Variants in CCNF observed in about 807,000 individuals in gnomAD.
The protein encoded by CCNF is cyclin-F.
Under a neutral mutation model 85.4 loss-of-function variants are expected in CCNF, and 30 were observed. That is an observed-to-expected ratio of 0.35 (90% CI 0.26 to 0.48). The LOEUF (loss-of-function observed/expected upper bound fraction) is 0.48. Among genes scored for constraint, CCNF ranks in the 20% least tolerant of loss-of-function variants. The probability of loss-of-function intolerance (pLI) is 0.99; values close to 1 mark genes in which losing one functional copy is unlikely to be tolerated. For synonymous variants in CCNF, 439 were observed against 425.1 expected, an observed-to-expected ratio of 1.03 and a Z score of -0.40; for missense variants, 919 against 1,010.4, an observed-to-expected ratio of 0.91 and a Z score of 1.23.
At chr16:2,447,708 G>A (rs904838450) in intron 10 of CCNF, among the ~76,000 whole-genome samples, 5 of 151,894 alleles carry the variant, frequency 3.3e-5, no homozygotes, top group East Asian at 1.9e-4. Context: ...CTGAGATAGC[G>A]CCACTGCACT....
chr16:2,431,048 TTA>T, intron 1 of CCNF, 80 bp from the exon 2 acceptor site: 1 of 1,405,524 alleles, frequency 7.1e-7, no homozygotes, highest in South Asian at 1.2e-5. Flanking sequence ...GATGTAACTT[TTA>T]TCCTTTTTTT....
At chr16:2,449,248 C>T (rs377617038) in intron 11 of CCNF, 34 bp from the exon 12 acceptor site, 123 of 1,610,468 alleles carry the variant, frequency 7.6e-5, no homozygotes, top group Non-Finnish European at 8.8e-5. Context: ...AGCCCCCGAG[C>T]GCTGAGAGCC....
intron 5 of CCNF, 160 bp from the exon 6 acceptor site, chr16:2,437,903 TAAAAAAA>T (rs34068510): frequency 7.3e-6 from 3 of 410,254 alleles, no homozygotes; most frequent in Non-Finnish European, 8.7e-6. Context: ...TGTTTCCCTT[TAAAAAAA>T]AAAAAAAAAA....
At chr16:2,436,178 G>A (rs1336925536) in intron 4 of CCNF, 2 of 311,618 alleles carry the variant, frequency 6.4e-6, no homozygotes, top group East Asian at 6.1e-5. Flanking sequence ...TGCCCTGTGC[G>A]CCATGAGCAC....
Position 2,453,836 on chromosome 16 carries a change from G to A in CCNF, c.1715+299G>A, listed in dbSNP as rs941623811. ...GCCTAGCCTGGCTCTAGCCCTGCCC[G>A]TGCCTGTCATGCGCGTCCTGGACTT... On this transcript the variant is annotated intron_variant, in intron 15 of 16. Coordinates refer to ENST00000397066, the MANE Select transcript of CCNF (RefSeq NM_001761.3). This position sits in a 1 kb window ranked among gnomAD's most constrained non-coding sequence, Gnocchi z 5.6. Among the ~76,000 whole-genome samples, 1 of 152,164 alleles carries A rather than the reference G, an allele frequency of 6.6e-6. No homozygotes were observed. Among genetic ancestry groups the A allele is most frequent in the Non-Finnish European group, 1.5e-5 (1 of 68,028 alleles).
intron 10 of CCNF, among the ~76,000 whole-genome samples, 167 bp from the exon 11 acceptor site, chr16:2,448,688 T>C (rs954466678): frequency 4.6e-5 from 7 of 152,160 alleles, no homozygotes; most frequent in African/African-American, 1.7e-4. Context: ...TAAATGCCCC[T>C]TGTCAGCCAC....
chr16:2,450,502 T>C (rs1596928950), intron 13 of CCNF, among the ~76,000 whole-genome samples: 2 of 116,730 alleles, frequency 1.7e-5, no homozygotes, highest in East Asian at 2.6e-4. Flanking sequence ...CGAGTGAAAC[T>C]CCATCTCAAA....
At chr16:2,429,934 G>C (rs1057021000) in intron 1 of CCNF, among the ~76,000 whole-genome samples, 1 of 152,204 alleles carries the variant, frequency 6.6e-6, no homozygotes, top group Non-Finnish European at 1.5e-5. Flanking sequence ...CGTGGACCTA[G>C]CTCTGTGGAA....
Position 2,449,267 on chromosome 16 carries a change from G to A in CCNF, c.1219-15G>A, listed in dbSNP as rs370713307. The A allele has an allele frequency of 8.1e-5, 131 of 1,613,040 alleles. No individual in the cohort carries two copies. The highest frequency in any genetic ancestry group is 4.7e-4 in the South Asian group (43 of 91,050). ...CCCGAGCGCTGAGAGCCCACACCCC[G>A]TCCCGGCTGTCTAGGTCCCCACTGT... On this transcript the variant is annotated splice_polypyrimidine_tract_variant and intron_variant, in intron 11 of 16. Coordinates refer to ENST00000397066, the MANE Select transcript of CCNF (RefSeq NM_001761.3).
chr16:2,435,576 C>A (rs12933758), intron 3 of CCNF, among the ~76,000 whole-genome samples: 1 of 149,556 alleles, frequency 6.7e-6, no homozygotes, highest in African/African-American at 2.5e-5. Context: ...CAGAGCAAGA[C>A]CCTGTCTCAG....
chr16:2,446,410 T>A (rs2065362705), intron 10 of CCNF, among the ~76,000 whole-genome samples: 1 of 152,244 alleles, frequency 6.6e-6, no homozygotes, highest in Admixed American at 6.5e-5. Flanking sequence ...TCCAGCCACG[T>A]GGGTGTCTCT....
chr16:2,449,773 T>TC, intron 12 of CCNF, 55 bp from the exon 13 acceptor site: 2 of 669,282 alleles, frequency 3.0e-6, no homozygotes. Context: ...CTCCGTCCCC[T>TC]CCATCCCCTC....
chr16:2,454,967 G>A (rs2065417114), intron 15 of CCNF, among the ~76,000 whole-genome samples: 1 of 151,544 alleles, frequency 6.6e-6, no homozygotes. Flanking sequence ...GCCTGAGGCA[G>A]GAGACTCACT....
chr16:2,437,051 T>G, intron 4 of CCNF, 78 bp from the exon 5 acceptor site: 2 of 1,288,064 alleles, frequency 1.6e-6, no homozygotes, highest in Non-Finnish European at 2.1e-6. Context: ...CATTACACTT[T>G]CCACCAAGAC....
At chr16:2,450,336 T>TTA (rs1473701133) in intron 13 of CCNF, among the ~76,000 whole-genome samples, 1 of 65,940 alleles carries the variant, frequency 1.5e-5, no homozygotes, top group African/African-American at 7.1e-5. Context: ...CTGTCTCTAC[T>TTA]AAAAAAAAAA....
At chr16:2,432,415 A>G (rs1246039442) in intron 2 of CCNF, among the ~76,000 whole-genome samples, 1 of 152,114 alleles carries the variant, frequency 6.6e-6, no homozygotes, top group East Asian at 1.9e-4. Context: ...GGGGTGCTGA[A>G]TTTCCAATGG....
intron 2 of CCNF, among the ~76,000 whole-genome samples, chr16:2,431,926 G>T (rs2065265007): frequency 6.6e-6 from 1 of 151,458 alleles, no homozygotes; most frequent in Admixed American, 6.6e-5. Context: ...CGCCTCCCAG[G>T]TTCATGCCAT....
At chr16:2,436,086 T>C in intron 4 of CCNF, 2 of 455,112 alleles carry the variant, frequency 4.4e-6, no homozygotes, top group Non-Finnish European at 7.9e-6. Flanking sequence ...GAAAGTCGCC[T>C]CTTGTTTTAG....
At chr16:2,436,032 C>T (rs917171215) in intron 4 of CCNF, 159 bp downstream of exon 4, 5 of 534,862 alleles carry the variant, frequency 9.3e-6, no homozygotes, top group Admixed American at 3.4e-5. Flanking sequence ...CCAGATGTAC[C>T]CTGCTGAGGG....
Sources: allele counts gnomAD v4.1 joint callset (sites outside exome capture counted in the v4.1 genomes callset), GRCh38; gene constraint gnomAD v4.1.1; non-coding constraint Gnocchi (gnomAD v3.1); transcripts MANE v1.5; gene names NCBI Gene and HGNC (gene_info 2026-07-23, HGNC 2026-07-21).